MRE11: variants seen among roughly 807,000 people sequenced by gnomAD.
MRE11 encodes double-strand break repair protein MRE11.
Under a neutral mutation model 91.7 loss-of-function variants are expected in MRE11, and 62 were observed. The ratio of observed to expected loss-of-function variants is 0.68; its 90% CI spans 0.55 to 0.84. The LOEUF (loss-of-function observed/expected upper bound fraction) is 0.84, where lower values mean the gene tolerates loss of function less well. MRE11 is among the 40% of genes least tolerant of loss of function. The pLI is 0.00. For synonymous variants in MRE11, 273 were observed against 271.4 expected (o/e 1.01, Z -0.06); for missense variants, 796 against 852.9 (o/e 0.93, Z 0.83).
chr11:94,431,363 T>C (rs772984436), intron 18 of MRE11, among the ~76,000 whole-genome samples: 1 of 152,204 alleles, frequency 6.6e-6, no homozygotes, highest in African/African-American at 2.4e-5. Context: ...TAAAACACCA[T>C]GCATAACCTG....
At chr11:94,430,431 T>C (rs916406662) in intron 18 of MRE11, among the ~76,000 whole-genome samples, 3 of 152,156 alleles carry the variant, frequency 2.0e-5, no homozygotes, top group Non-Finnish European at 4.4e-5. Flanking sequence ...CATTGAAATA[T>C]TTTCTATTCA....
chr11:94,497,256 T>C (rs1409985347), upstream of MRE11: 6 of 506,166 alleles, frequency 1.2e-5, no homozygotes, highest in Admixed American at 3.6e-5. Context: ...AAACTAACTA[T>C]ACCAGGTACC....
rs984797510 is a variant in MRE11 at position 94,419,976 on chromosome 11, A to C, written c.*149T>G. The stretch of plus-strand genomic sequence containing the variant: ...CCAGGTTAAAAAAACAAGGTGAATC[A>C]ATGCTATTGTATGTCTGTGAACTAG... On this transcript the variant is annotated 3_prime_UTR_variant, in exon 20 of 20. Coordinates refer to ENST00000323929, the MANE Select transcript of MRE11 (RefSeq NM_005591.4). 2 of 562,610 alleles carry C rather than the reference A, an allele frequency of 3.6e-6. No homozygotes were observed. Among genetic ancestry groups the C allele is most frequent in the Non-Finnish European group, 6.2e-6 (2 of 323,626 alleles). The allele number at this position is 562,610 out of a possible 1,614,324, so 34.9% of individuals were successfully genotyped here. A position where few individuals can be genotyped will look rare whatever the true frequency, so the allele number is the denominator to read the frequency against.
At chr11:94,468,516 C>A (rs1364910867) in intron 9 of MRE11, among the ~76,000 whole-genome samples, 1 of 152,144 alleles carries the variant, frequency 6.6e-6, no homozygotes, top group Non-Finnish European at 1.5e-5. Context: ...AGATGGCCAA[C>A]TTCATAGCTG....
Position 94,460,989 on chromosome 11 carries a change from T to C in MRE11, c.1273A>G (p.Thr425Ala). 1 of 1,613,842 alleles carries C rather than the reference T, an allele frequency of 6.2e-7. No homozygotes were observed. Among genetic ancestry groups the C allele is most frequent in the East Asian group, 2.2e-5 (1 of 44,852 alleles). The change falls in exon 12 of 20, where the codon ACA becomes GCA. Residue 425 changes from threonine (T) to alanine (A), a missense_variant. Thr to Ala is a moderately conservative substitution (Grantham distance 58, BLOSUM62 0). Coordinates refer to ENST00000323929, the MANE Select transcript of MRE11 (RefSeq NM_005591.4). ...ACAAGATCTTCTACCCTTAAAGTTG[T>C]TCCTTCTGAAGGCTTTGTGATAAGT... The part of the protein sequence containing the change: ...GKLITKPSEG[T>A]TLRVEDLVKQ...
At chr11:94,421,675 T>C (rs368256138) in intron 19 of MRE11, among the ~76,000 whole-genome samples, 166 of 152,340 alleles carry the variant, frequency 1.1e-3, no homozygotes, top group African/African-American at 3.8e-3. Flanking sequence ...TCTCAAGCTG[T>C]TTTAAACCAC....
rs1947135431 is a variant in MRE11, at chr11:94,486,048, C to T, written c.190G>A (p.Glu64Lys). The part of the protein sequence containing the change: ...FILLGGDLFH[E>K]NKPSRKTLHT... ...AATGTTTTCCTTGAGGGCTTATTTT[C>T]ATGAAAAAGATCACCACCTAACAAA... The change falls in exon 4 of 20, where the codon GAA becomes AAA. Residue 64 changes from glutamate to lysine, a missense_variant. Physicochemically the swap from Glu to Lys is moderately conservative, Grantham distance 56. Coordinates refer to ENST00000323929, the MANE Select transcript of MRE11 (RefSeq NM_005591.4). 4 of 1,613,560 alleles carry T rather than the reference C, an allele frequency of 2.5e-6. No individual in the cohort carries two copies. Among genetic ancestry groups the T allele is most frequent in the Non-Finnish European group, 3.4e-6 (4 of 1,179,876 alleles).
At chr11:94,453,419 A>G (rs1419364768) in intron 14 of MRE11, among the ~76,000 whole-genome samples, 1 of 152,092 alleles carries the variant, frequency 6.6e-6, no homozygotes, top group Non-Finnish European at 1.5e-5. Flanking sequence ...TAGCTGACCC[A>G]TTTTTCATCC....
intron 4 of MRE11, among the ~76,000 whole-genome samples, chr11:94,485,475 T>TA (rs1284260690): frequency 2.6e-5 from 4 of 151,918 alleles, no homozygotes; most frequent in African/African-American, 9.7e-5. Flanking sequence ...TTAGAATATA[T>TA]AAGTAACTTC....
chr11:94,508,659 T>C, the MRE11 span, among the ~76,000 whole-genome samples: 1 of 152,200 alleles, frequency 6.6e-6, no homozygotes, highest in African/African-American at 2.4e-5. Context: ...ACAGTTTTAA[T>C]ATTTTGGCTT....
intron 16 of MRE11, among the ~76,000 whole-genome samples, chr11:94,438,177 C>T (rs948050265): frequency 1.3e-5 from 2 of 152,036 alleles, no homozygotes; most frequent in Admixed American, 6.6e-5. Flanking sequence ...AAATTTCAAA[C>T]GTCTAATTTA....
chr11:94,464,117 T>A lies in MRE11; in HGVS notation c.1221A>T (p.Lys407Asn). 1 of 1,613,276 alleles carries A rather than the reference T, an allele frequency of 6.2e-7. No individual in the cohort carries two copies. Among genetic ancestry groups the A allele is most frequent in the Non-Finnish European group, 8.5e-7 (1 of 1,179,790 alleles). The part of the protein sequence containing the change: ...HFFRHREQKE[K>N]TGEEINFGKL... ...TCATAAAAATAACTAGCTTACCTGT[T>A]TTTTCCTTTTGTTCTCTATGCCTGA... Residue 407 changes from lysine (K) to asparagine (N), a missense_variant, in exon 11 of 20, where the codon AAA (lysine) becomes AAT (asparagine). Transcript: ENST00000323929.
the MRE11 span, among the ~76,000 whole-genome samples, chr11:94,503,264 ACT>A: frequency 1.3e-5 from 2 of 152,006 alleles, no homozygotes; most frequent in Middle Eastern, 3.4e-3. Context: ...CCACCATTCT[ACT>A]CTCTGTTTCT....
chr11:94,479,752 C>A lies in MRE11; in HGVS notation c.324G>T (p.Trp108Cys), dbSNP rs2135091784. The change falls in exon 5 of 20, where the codon TGG (tryptophan) becomes TGT (cysteine). Residue 108 changes from tryptophan to cysteine, a missense_variant. Coordinates refer to ENST00000323929, the MANE Select transcript of MRE11 (RefSeq NM_005591.4). The part of the protein sequence containing the change: ...SVNFGFSKFP[W>C]VNYQDGNLNI... Reference sequence around the variant, plus strand: ...TGAGGTTGCCATCTTGATAGTTCACCCATGGAAACCTTAAAAAAAAAAAGT... The same window carrying A: ...TGAGGTTGCCATCTTGATAGTTCACACATGGAAACCTTAAAAAAAAAAAGT... 1 of 1,611,594 alleles carries A rather than the reference C, an allele frequency of 6.2e-7. No individual in the cohort carries two copies.
At chr11:94,499,954 A>G in the MRE11 span, among the ~76,000 whole-genome samples, 1 of 152,214 alleles carries the variant, frequency 6.6e-6, no homozygotes, top group South Asian at 2.1e-4. Flanking sequence ...GTCAGAGATA[A>G]TATATGAACT....
chr11:94,477,221 T>C (rs1946885530), intron 6 of MRE11, among the ~76,000 whole-genome samples: 2 of 152,158 alleles, frequency 1.3e-5, no homozygotes, highest in Non-Finnish European at 2.9e-5. Flanking sequence ...ATATATACAT[T>C]ATAACATGTG....
chr11:94,455,077 T>C (rs1382139095), intron 14 of MRE11, among the ~76,000 whole-genome samples: 1 of 152,184 alleles, frequency 6.6e-6, no homozygotes, highest in Non-Finnish European at 1.5e-5. Flanking sequence ...ATGTGTTGCA[T>C]GACACTTTTA....
chr11:94,496,873 A>G, upstream of MRE11: 1 of 1,613,946 alleles, frequency 6.2e-7, no homozygotes, highest in South Asian at 1.1e-5. Flanking sequence ...ACAAAAATGA[A>G]GAGTGGTATC....
At chr11:94,454,368 A>G (rs1241888277) in intron 14 of MRE11, among the ~76,000 whole-genome samples, 2 of 152,088 alleles carry the variant, frequency 1.3e-5, no homozygotes, top group Non-Finnish European at 2.9e-5. Context: ...CACAATGCCC[A>G]GCCTGAAAGA....
Sources: allele counts gnomAD v4.1 joint callset (sites outside exome capture counted in the v4.1 genomes callset), GRCh38; gene constraint gnomAD v4.1.1; transcripts MANE v1.5; gene names NCBI Gene and HGNC (gene_info 2026-07-23, HGNC 2026-07-21).